Variants in IZUMO3 observed in about 807,000 individuals in gnomAD.
IZUMO3 encodes the protein IZUMO family member 3, also known as izumo sperm-egg fusion protein 3.
Under a neutral mutation model 28.4 loss-of-function variants are expected in IZUMO3, and 36 were observed. The observed-to-expected ratio is 1.27, with a 90% CI of 0.97 to 1.67. The LOEUF is 1.67. Among genes scored for constraint, IZUMO3 ranks in the 40% most tolerant of loss-of-function variants. The pLI is 0.00. For missense variants in IZUMO3, 387 were observed against 278.5 expected (o/e 1.39, Z -2.77); for synonymous variants, 126 against 99.2 (o/e 1.27, Z -1.61).
Position 24,545,259 on chromosome 9 carries a change from G to A in IZUMO3, c.254C>T (p.Thr85Ile), listed in dbSNP as rs1483672768. ...LAVQQVVKLR[T>I]WLKNEFYKLG... ...TTTATAAAATTCATTCTTCAACCAT[G>A]TTCTCAACTTAACAACCTGCTGAAC... Residue 85 changes from threonine to isoleucine, a missense_variant, in exon 2 of 7, where the codon ACA (threonine) becomes ATA (isoleucine). By Grantham distance (89) the Thr-to-Ile change is moderately conservative. Transcript: ENST00000543880. 2 of 1,550,074 alleles carry A rather than the reference G, an allele frequency of 1.3e-6. No homozygotes were observed. The highest frequency in any genetic ancestry group is 2.0e-5 in the Admixed American group (1 of 50,966).
At chr9:24,544,162 C>T in intron 5 of IZUMO3, 39 bp downstream of exon 5, 1 of 1,377,012 alleles carries the variant, frequency 7.3e-7, no homozygotes, top group South Asian at 1.2e-5. Context: ...GCTCCTTAAT[C>T]CCTGTCCCTT....
intron 5 of IZUMO3, among the ~76,000 whole-genome samples, chr9:24,543,984 C>G (rs755990733): frequency 3.9e-5 from 6 of 152,078 alleles, no homozygotes; most frequent in Admixed American, 6.6e-5. Context: ...CATTCCAAGC[C>G]TAGCCTCTTC....
At chr9:24,543,603 G>A in intron 6 of IZUMO3, 61 bp downstream of exon 6, 1 of 1,226,466 alleles carries the variant, frequency 8.2e-7, no homozygotes. Flanking sequence ...GAGGGAATTT[G>A]GGCAGTCTCT....
chr9:24,544,849 G>A, intron 3 of IZUMO3, 89 bp from the exon 4 acceptor site: 1 of 1,394,434 alleles, frequency 7.2e-7, no homozygotes. Flanking sequence ...TACCCTTTAA[G>A]TTCCAGTTAC....
Position 24,543,767 on chromosome 9 carries a change from A to G in IZUMO3, c.491-13T>C, listed in dbSNP as rs1356082227. On this transcript the variant is annotated splice_polypyrimidine_tract_variant and intron_variant, in intron 5 of 6. Coordinates refer to ENST00000543880, the MANE Select transcript of IZUMO3 (RefSeq NM_001365008.2). ...CTTGGATCCTCGTCTGGAAGGAGAA[A>G]CAGGAAAATATGAAAGTGAGTTTTG... 6.6e-7 allele frequency: 1 copy of G among 1,503,912 alleles called. No individual in the cohort carries two copies. 93.2% of individuals were successfully genotyped at this position (1,503,912 alleles called of 1,614,324 possible). A position where few individuals can be genotyped will look rare whatever the true frequency, so the allele number is the denominator to read the frequency against.
intron 5 of IZUMO3, 104 bp downstream of exon 5, chr9:24,544,097 A>G: frequency 1.3e-6 from 1 of 788,118 alleles, no homozygotes; most frequent in South Asian, 1.5e-5. Flanking sequence ...GACCTCCATT[A>G]AAGGTCATGT....
chr9:24,543,136 C>G lies in IZUMO3; in HGVS notation c.*93G>C. 1 of 1,008,954 alleles carries G rather than the reference C, an allele frequency of 9.9e-7. No individual in the cohort carries two copies. Among genetic ancestry groups the G allele is most frequent in the Non-Finnish European group, 1.4e-6 (1 of 732,588 alleles). 62.5% of individuals were successfully genotyped at this position (1,008,954 alleles called of 1,614,324 possible). On this transcript the variant is annotated 3_prime_UTR_variant, in exon 7 of 7. Coordinates refer to ENST00000543880, the MANE Select transcript of IZUMO3 (RefSeq NM_001365008.2). ...CTATTTCAGTTTTAAAATACTATGA[C>G]TTTATGACCAAGAAAGGGTTTACCT...
At chr9:24,544,334 C>T (rs1015952637) in intron 4 of IZUMO3, 53 bp from the exon 5 acceptor site, 47 of 1,245,814 alleles carry the variant, frequency 3.8e-5, no homozygotes, top group Middle Eastern at 1.8e-4. Flanking sequence ...CACGAGGGTT[C>T]CTTAGTCATA....
chr9:24,545,315 G>A, intron 1 of IZUMO3, 29 bp from the exon 2 acceptor site: 4 of 1,547,134 alleles, frequency 2.6e-6, no homozygotes, highest in Middle Eastern at 3.3e-4. Flanking sequence ...GGTACATGTA[G>A]GGGAATAATT....
Position 24,544,760 on chromosome 9 carries a change from G to T in IZUMO3, c.392C>A (p.Ala131Asp). The T allele has an allele frequency of 6.5e-7, 1 of 1,550,006 alleles. No homozygotes were observed. Among genetic ancestry groups the T allele is most frequent in the South Asian group, 1.2e-5 (1 of 84,050 alleles). Residue 131 changes from alanine (A) to aspartate (D), a missense_variant and splice_region_variant, in exon 4 of 7, where the codon GCT (alanine) becomes GAT (aspartate). Physicochemically the swap from Ala to Asp is moderately radical, Grantham distance 126 (BLOSUM62 -2). Coordinates refer to ENST00000543880, the MANE Select transcript of IZUMO3 (RefSeq NM_001365008.2). The stretch of plus-strand genomic sequence containing the variant: ...GTACTCACTGCAATCTTCAGAACAA[G>T]CTAGAAGAGAATCAGAAAGTTCTAA... ...KELLKNFSEI[A>D]CSEDCIVVEG...
At position 24,545,514 on chromosome 9, in the gene IZUMO3, C is replaced by T; in HGVS notation, c.136G>A (p.Gly46Ser). 6 of 1,535,320 alleles carry T rather than the reference C, an allele frequency of 3.9e-6. No homozygotes were observed. Among genetic ancestry groups the T allele is most frequent in the Non-Finnish European group, 5.2e-6 (6 of 1,146,700 alleles). The change falls in exon 1 of 7, where the codon GGC becomes AGC. Residue 46 changes from glycine to serine, a missense_variant. Gly to Ser is a moderately conservative substitution (Grantham distance 56). Transcript: ENST00000543880. The part of the protein sequence containing the change: ...LGNLIPSEVP[G>S]RTQLLERQIK... Reference sequence around the variant, plus strand: ...TGCCGTTCAAGCAGCTGAGTTCGGCCGGGGACTTCTGAAGGTATCAGATTT... The same window carrying T: ...TGCCGTTCAAGCAGCTGAGTTCGGCTGGGGACTTCTGAAGGTATCAGATTT...
At chr9:24,545,307 T>C in intron 1 of IZUMO3, 21 bp from the exon 2 acceptor site, 1 of 1,548,708 alleles carries the variant, frequency 6.5e-7, no homozygotes, top group Non-Finnish European at 8.7e-7. Context: ...AGAGTAAAGG[T>C]ACATGTAGGG....
Position 24,545,781 on chromosome 9 carries a change from A to G in IZUMO3, c.-132T>C. On this transcript the variant is annotated 5_prime_UTR_variant, in exon 1 of 7. An upstream start codon of the reference 5' UTR is lost. Coordinates refer to ENST00000543880, the MANE Select transcript of IZUMO3 (RefSeq NM_001365008.2). Reference sequence around the variant, plus strand: ...TGACTCCACTTTTCCCGCTGTTTCCATCCCACTATCGGGCAATCTTTAGTT... The same window carrying G: ...TGACTCCACTTTTCCCGCTGTTTCCGTCCCACTATCGGGCAATCTTTAGTT... 1.3e-6 allele frequency: 2 copies of G among 1,537,286 alleles called. No homozygotes were observed. Among genetic ancestry groups the G allele is most frequent in the South Asian group, 2.4e-5 (2 of 81,842 alleles).
chr9:24,545,831 T>C lies in IZUMO3; in HGVS notation c.-182A>G, dbSNP rs1819581695. 2.6e-5 allele frequency: 40 copies of C among 1,542,460 alleles called. No individual in the cohort carries two copies. The highest frequency in any genetic ancestry group is 3.5e-5 in the Non-Finnish European group (40 of 1,143,218). On this transcript the variant is annotated 5_prime_UTR_variant, in exon 1 of 7. Transcript: ENST00000543880. ...TGTTTAGTTTAATGATCTTTAGTTG[T>C]TTACTGACTATTATCCTTCATTCTA... is the stretch of plus-strand genomic sequence containing the variant.
rs972228873 is a variant in IZUMO3, at chr9:24,545,685, T to C, written c.-36A>G. On this transcript the variant is annotated 5_prime_UTR_variant, in exon 1 of 7. Transcript: ENST00000543880. The stretch of plus-strand genomic sequence containing the variant: ...ACCCCCGCTCCCCGACAGCAGGTTG[T>C]CCTGGCAACTAGTTCACTTAGTTCC... The C allele has an allele frequency of 2.0e-6, 3 of 1,534,868 alleles. No homozygotes were observed. The highest frequency in any genetic ancestry group is 2.6e-6 in the Non-Finnish European group (3 of 1,146,296).
At chr9:24,544,404 T>A (rs2117951414) in intron 4 of IZUMO3, 123 bp from the exon 5 acceptor site, 1 of 732,788 alleles carries the variant, frequency 1.4e-6, no homozygotes, top group African/African-American at 1.8e-5. Context: ...TGCATTGCTG[T>A]GAATTTCTTC....
Position 24,545,573 on chromosome 9 carries a change from G to A in IZUMO3, c.77C>T (p.Pro26Leu). 1 of 1,535,322 alleles carries A rather than the reference G, an allele frequency of 6.5e-7. No individual in the cohort carries two copies. Among genetic ancestry groups the A allele is most frequent in the Non-Finnish European group, 8.7e-7 (1 of 1,146,694 alleles). ...HGVKGCLECD[P>L]KFIEDVGSLL... The stretch of plus-strand genomic sequence containing the variant: ...GGAGCCAACATCCTCTATAAATTTG[G>A]GGTCACATTCTAAACAGCCTTTGAC... The change falls in exon 1 of 7, where the codon CCC becomes CTC. Residue 26 changes from proline to leucine, a missense_variant. By Grantham distance (98) the Pro-to-Leu change is moderately conservative. Coordinates refer to ENST00000543880, the MANE Select transcript of IZUMO3 (RefSeq NM_001365008.2).
rs1819575017 is a variant in IZUMO3 at position 24,545,597 on chromosome 9, A to G, written c.53T>C (p.Val18Ala). 3.3e-6 allele frequency: 5 copies of G among 1,535,016 alleles called. No homozygotes were observed. Among genetic ancestry groups the G allele is most frequent in the Non-Finnish European group, 4.4e-6 (5 of 1,146,636 alleles). Residue 18 changes from valine (V) to alanine (A), a missense_variant, in exon 1 of 7, where the codon GTC (valine) becomes GCC (alanine). Physicochemically the swap from Val to Ala is moderately conservative, Grantham distance 64. Transcript: ENST00000543880. ...LLLPLSAFHG[V>A]KGCLECDPKF... is the part of the protein sequence containing the mutation. ...GGGGTCACATTCTAAACAGCCTTTG[A>G]CTCCATGGAAGGCTGAGAGGGGCAG...
chr9:24,543,642 T>C, intron 6 of IZUMO3, 22 bp downstream of exon 6: 1 of 1,486,412 alleles, frequency 6.7e-7, no homozygotes, highest in Non-Finnish European at 9.2e-7. Flanking sequence ...ACCCAGTGTT[T>C]ATTTGGAGAG....
Sources: gnomAD v4.1 joint callset for allele counts (sites outside exome capture counted in the v4.1 genomes callset) on GRCh38, gnomAD v4.1.1 for gene constraint, MANE v1.5 for transcripts, NCBI Gene and HGNC (gene_info 2026-07-23, HGNC 2026-07-21) for gene names.